Variants in JAM3 observed in about 807,000 individuals in gnomAD.
JAM3 encodes junctional adhesion molecule 3, also known as junctional adhesion molecule C.
JAM3 carries 31 observed loss-of-function variants against 39.4 expected under a neutral mutation model. That is an observed-to-expected ratio of 0.79 (90% CI 0.59 to 1.06). The LOEUF (loss-of-function observed/expected upper bound fraction) is 1.06, where lower values mean the gene tolerates loss of function less well. JAM3 is among the 50% of genes least tolerant of loss of function. The probability of loss-of-function intolerance (pLI) is 0.00; values close to 1 mark genes in which losing one functional copy is unlikely to be tolerated. For missense variants in JAM3, 455 were observed against 391.4 expected, an observed-to-expected ratio of 1.16 and a Z score of -1.37; for synonymous variants, 182 against 148.7, an observed-to-expected ratio of 1.22 and a Z score of -1.63.
chr11:134,088,227 A>G (rs1007427171), intron 1 of JAM3, among the ~76,000 whole-genome samples: 2 of 152,194 alleles, frequency 1.3e-5, no homozygotes, highest in African/African-American at 2.4e-5. Flanking sequence ...GCAGTGGCAT[A>G]TGTTTAAAAT....
intron 1 of JAM3, among the ~76,000 whole-genome samples, chr11:134,114,239 T>A (rs1448338123): frequency 6.6e-6 from 1 of 152,264 alleles, no homozygotes; most frequent in Non-Finnish European, 1.5e-5. Context: ...TTGCTATTGC[T>A]TTTGATGTTT....
At chr11:134,142,994 T>G (rs1180036687) in intron 3 of JAM3, among the ~76,000 whole-genome samples, 1 of 152,252 alleles carries the variant, frequency 6.6e-6, no homozygotes, top group Admixed American at 6.5e-5. Flanking sequence ...TTACCCATTC[T>G]ATTGATGGAC....
chr11:134,114,848 G>T (rs149620761), intron 1 of JAM3, among the ~76,000 whole-genome samples: 1 of 152,176 alleles, frequency 6.6e-6, no homozygotes, highest in South Asian at 2.1e-4. Context: ...TTCTATAAAT[G>T]TGAAGTAGGT....
rs1943043645 is a variant in JAM3 at position 134,144,918 on chromosome 11, C to T, written c.536C>T (p.Pro179Leu). 3.1e-6 allele frequency: 5 copies of T among 1,614,156 alleles called. No individual in the cohort carries two copies. Among genetic ancestry groups the T allele is most frequent in the South Asian group, 1.1e-5 (1 of 91,084 alleles). The change falls in exon 5 of 9, where the codon CCA becomes CTA. Residue 179 changes from proline to leucine, a missense_variant. Physicochemically the swap from Pro to Leu is moderately conservative, Grantham distance 98. Transcript: ENST00000299106. ...TACAGCTGGTATCGCAATGATGTACCACTGCCCACGGATTCCAGAGCCAAT... is the reference window on the plus strand; with the variant it reads ...TACAGCTGGTATCGCAATGATGTACTACTGCCCACGGATTCCAGAGCCAAT... Reference protein sequence around the residue: ...PHYSWYRNDVPLPTDSRANPR... With the variant: ...PHYSWYRNDVLLPTDSRANPR...
chr11:134,111,387 C>T (rs1263868988), intron 1 of JAM3, among the ~76,000 whole-genome samples: 2 of 151,940 alleles, frequency 1.3e-5, no homozygotes, highest in Non-Finnish European at 2.9e-5. Context: ...CGTGTTCCGC[C>T]CACCTCGGCC....
intron 1 of JAM3, among the ~76,000 whole-genome samples, chr11:134,120,360 A>AT (rs1439981577): frequency 6.6e-6 from 1 of 152,262 alleles, no homozygotes; most frequent in Non-Finnish European, 1.5e-5. Flanking sequence ...CAAGCTAAAT[A>AT]TAACTCCTTA....
intron 1 of JAM3, among the ~76,000 whole-genome samples, chr11:134,123,551 A>G (rs1942578627): frequency 1.3e-5 from 2 of 152,264 alleles, no homozygotes; most frequent in Admixed American, 1.3e-4. Context: ...AAATAATTCA[A>G]TCCTGGCAGA....
In JAM3 at chr11:134,144,257, T is replaced by C; in HGVS notation, c.273T>C (p.Arg91=). ...DNKIQGDLAG[R]AEILGKTSLK... ...TTTCTGTAGGAGACTTGGCGGGTCG[T>C]GCAGAAATACTGGGGAAGACATCCC... Residue 91 remains arginine, a synonymous_variant, in exon 4 of 9, where the codon CGT becomes CGC. Transcript: ENST00000299106. 6.2e-7 allele frequency: 1 copy of C among 1,614,186 alleles called. No individual in the cohort carries two copies. Among genetic ancestry groups the C allele is most frequent in the Non-Finnish European group, 8.5e-7 (1 of 1,180,030 alleles).
At position 134,151,605 on chromosome 11, in the gene JAM3, T is replaced by C. The variant is rs1196051474; in HGVS notation, c.*2424T>C. 2 of 152,162 alleles carry C rather than the reference T, an allele frequency of 1.3e-5. No homozygotes were observed. The highest frequency in any genetic ancestry group is 2.9e-5 in the Non-Finnish European group (2 of 68,042). The allele number at this position is 152,162 out of a possible 1,614,324, so 9.4% of individuals were successfully genotyped here. A position where few individuals can be genotyped will look rare whatever the true frequency, so the allele number is the denominator to read the frequency against. Reference sequence around the variant, plus strand: ...AGGAATACTCGTGTATTTTAAGATATGAATGTGACTCAAGACTCGAGGCCG... The same window carrying C: ...AGGAATACTCGTGTATTTTAAGATACGAATGTGACTCAAGACTCGAGGCCG... On this transcript the variant is annotated 3_prime_UTR_variant, in exon 9 of 9. Transcript: ENST00000299106.
At chr11:134,117,833 G>T (rs1241721209) in intron 1 of JAM3, among the ~76,000 whole-genome samples, 1 of 152,190 alleles carries the variant, frequency 6.6e-6, no homozygotes, top group Non-Finnish European at 1.5e-5. Flanking sequence ...GATCACTCCT[G>T]CACTGTCTTC....
chr11:134,107,690 C>T (rs1364402458), intron 1 of JAM3, among the ~76,000 whole-genome samples: 1 of 151,848 alleles, frequency 6.6e-6, no homozygotes, highest in East Asian at 1.9e-4. Context: ...TAGCAAGTCC[C>T]CATCTCTACA....
intron 1 of JAM3, among the ~76,000 whole-genome samples, chr11:134,123,597 T>C (rs1358098674): frequency 6.6e-6 from 1 of 152,248 alleles, no homozygotes; most frequent in African/African-American, 2.4e-5. Flanking sequence ...AAATCATCCT[T>C]CACTGAATTA....
intron 1 of JAM3, among the ~76,000 whole-genome samples, chr11:134,118,243 T>A (rs1028873085): frequency 6.6e-6 from 1 of 152,148 alleles, no homozygotes; most frequent in African/African-American, 2.4e-5. Context: ...GGCAGGAGGA[T>A]TTTATGTGTT....
intron 1 of JAM3, among the ~76,000 whole-genome samples, chr11:134,081,646 T>C (rs1941667283): frequency 6.6e-6 from 1 of 152,134 alleles, no homozygotes; most frequent in Non-Finnish European, 1.5e-5. Context: ...CAGGCAGAAG[T>C]TTGCTGCAGG....
chr11:134,109,839 A>T (rs988933406), intron 1 of JAM3, among the ~76,000 whole-genome samples: 1 of 152,238 alleles, frequency 6.6e-6, no homozygotes, highest in East Asian at 1.9e-4. Flanking sequence ...TGGAGTAGCT[A>T]CCTGGGGAGA....
At position 134,149,285 on chromosome 11, in the gene JAM3, A is replaced by G. The variant is rs1341742351; in HGVS notation, c.*104A>G. 1 of 1,380,678 alleles carries G rather than the reference A, an allele frequency of 7.2e-7. No individual in the cohort carries two copies. Among genetic ancestry groups the G allele is most frequent in the Non-Finnish European group, 1.0e-6 (1 of 981,474 alleles). 85.5% of individuals were successfully genotyped at this position (1,380,678 alleles called of 1,614,324 possible). A position where few individuals can be genotyped will look rare whatever the true frequency, so the allele number is the denominator to read the frequency against. On this transcript the variant is annotated 3_prime_UTR_variant, in exon 9 of 9. Transcript: ENST00000299106. ...CTGATGCACTCGGACAGAGCTAGAC[A>G]CTCATTCAGAAGCTTTTCGTTTTGG...
chr11:134,147,599 G>C (rs978574874), intron 6 of JAM3, among the ~76,000 whole-genome samples: 10 of 151,524 alleles, frequency 6.6e-5, no homozygotes, highest in African/African-American at 1.7e-4. Context: ...CCTTTCTCCT[G>C]CCTCAGCCTC....
At chr11:134,100,983 C>T (rs965656964) in intron 1 of JAM3, among the ~76,000 whole-genome samples, 4 of 152,178 alleles carry the variant, frequency 2.6e-5, no homozygotes, top group African/African-American at 4.8e-5. Flanking sequence ...TTTATGTCTT[C>T]TTTCAATAAA....
chr11:134,142,170 A>T (rs1942986722), intron 3 of JAM3, among the ~76,000 whole-genome samples: 1 of 152,096 alleles, frequency 6.6e-6, no homozygotes, highest in Non-Finnish European at 1.5e-5. Context: ...TTTTCTGGGG[A>T]TTAAACATTT....
Sources: allele counts gnomAD v4.1 joint callset (sites outside exome capture counted in the v4.1 genomes callset), GRCh38; gene constraint gnomAD v4.1.1; transcripts MANE v1.5; gene names NCBI Gene and HGNC (gene_info 2026-07-23, HGNC 2026-07-21).